The following TAS2R1 variants were observed in gnomAD, a reference collection of about 807,000 sequenced individuals.
TAS2R1 encodes the protein taste 2 receptor member 1, also known as taste receptor type 2 member 1.
For missense variants in TAS2R1, 370 were observed against 353.4 expected, an observed-to-expected ratio of 1.05 and a Z score of -0.38; for synonymous variants, 141 against 134.2, an observed-to-expected ratio of 1.05 and a Z score of -0.35.
At chr5:9,762,373 C>T in the TAS2R1 span, among the ~76,000 whole-genome samples, 11 of 152,214 alleles carry the variant, frequency 7.2e-5, no homozygotes, top group South Asian at 6.2e-4. Flanking sequence ...ACCCCAGTCT[C>T]GGATTATTAA....
the TAS2R1 span, among the ~76,000 whole-genome samples, chr5:9,736,228 T>C: frequency 6.6e-6 from 1 of 152,184 alleles, no homozygotes; most frequent in Non-Finnish European, 1.5e-5. Context: ...AAGTCAGAAT[T>C]TATTCTTGAG....
the TAS2R1 span, among the ~76,000 whole-genome samples, chr5:9,797,810 AT>A: frequency 1.3e-5 from 2 of 152,212 alleles, no homozygotes; most frequent in African/African-American, 2.4e-5. Context: ...ATAAAAAAAA[AT>A]CTACGTAGAT....
chr5:9,861,037 G>GATTTTTTTTTTTTTTTTTTTTTTTTT, the TAS2R1 span, among the ~76,000 whole-genome samples: 1 of 88,612 alleles, frequency 1.1e-5, no homozygotes, highest in African/African-American at 4.3e-5. Flanking sequence ...GGAAGATGAG[G>GATTTTTTTTTTTTTTTTTTTTTTTTT]TTTTTTTTTT....
the TAS2R1 span, among the ~76,000 whole-genome samples, chr5:9,868,387 C>A: frequency 6.6e-6 from 1 of 152,194 alleles, no homozygotes; most frequent in African/African-American, 2.4e-5. Flanking sequence ...AAATTCAACA[C>A]CACGTGGAAG....
At chr5:9,694,962 T>C (rs1225447491) in intron 1 of TAS2R1, among the ~76,000 whole-genome samples, 1 of 152,188 alleles carries the variant, frequency 6.6e-6, no homozygotes, top group Non-Finnish European at 1.5e-5. Flanking sequence ...AAACGATATG[T>C]AAAATCCTTT....
chr5:9,896,298 G>C, the TAS2R1 span, among the ~76,000 whole-genome samples: 1 of 152,146 alleles, frequency 6.6e-6, no homozygotes, highest in Non-Finnish European at 1.5e-5. Flanking sequence ...TGTCCATATG[G>C]GTAGCAGAAT....
chr5:9,801,728 A>G, the TAS2R1 span, among the ~76,000 whole-genome samples: 2 of 152,176 alleles, frequency 1.3e-5, no homozygotes, highest in Non-Finnish European at 2.9e-5. Flanking sequence ...TGCTGGCTGC[A>G]TCAGGAGGGG....
At chr5:9,684,615 C>G (rs992222110) in intron 1 of TAS2R1, among the ~76,000 whole-genome samples, 2 of 152,262 alleles carry the variant, frequency 1.3e-5, no homozygotes, top group Admixed American at 1.3e-4. Flanking sequence ...CTGCAAACTC[C>G]CGGGCTTAAG....
At chr5:9,633,294 T>TTATATATATATATATATA (rs200096603), upstream of TAS2R1, among the ~76,000 whole-genome samples, 30 of 67,796 alleles carry the variant, frequency 4.4e-4, no homozygotes, top group East Asian at 1.1e-3. Flanking sequence ...TGTGTGTATA[T>TTATATATATATATATATA]TATATATATA....
At chr5:9,640,510 A>AAAC (rs1554052286) in intron 2 of TAS2R1, among the ~76,000 whole-genome samples, 4 of 150,548 alleles carry the variant, frequency 2.7e-5, no homozygotes, top group Non-Finnish European at 4.4e-5. Flanking sequence ...AAAAAAAAAA[A>AAAC]AAAAAAAAAA....
chr5:9,837,557 G>A, the TAS2R1 span, among the ~76,000 whole-genome samples: 13 of 152,244 alleles, frequency 8.5e-5, no homozygotes, highest in African/African-American at 2.9e-4. Flanking sequence ...ATGGCCCCTC[G>A]CCCTGTTTCC....
intron 1 of TAS2R1, among the ~76,000 whole-genome samples, chr5:9,671,078 A>G (rs1370476623): frequency 6.6e-6 from 1 of 152,230 alleles, no homozygotes; most frequent in African/African-American, 2.4e-5. Context: ...AAGGCTTTTG[A>G]TAAAATTCAG....
At chr5:9,831,250 T>C in the TAS2R1 span, among the ~76,000 whole-genome samples, 1 of 152,136 alleles carries the variant, frequency 6.6e-6, no homozygotes, top group African/African-American at 2.4e-5. Context: ...TTTATTTCCA[T>C]TGACCCGGGA....
At chr5:9,660,355 C>T (rs1039143815) in intron 1 of TAS2R1, among the ~76,000 whole-genome samples, 10 of 150,472 alleles carry the variant, frequency 6.6e-5, no homozygotes, top group African/African-American at 9.8e-5. Flanking sequence ...GGATTACAGG[C>T]GTGAGCCACC....
At chr5:9,661,206 C>A (rs1270730129) in intron 1 of TAS2R1, among the ~76,000 whole-genome samples, 1 of 152,214 alleles carries the variant, frequency 6.6e-6, no homozygotes, top group Non-Finnish European at 1.5e-5. Flanking sequence ...ACCACTTTAA[C>A]AAATCCTGTT....
At chr5:9,711,752 T>G (rs2126533409) in intron 1 of TAS2R1, among the ~76,000 whole-genome samples, 1 of 152,230 alleles carries the variant, frequency 6.6e-6, no homozygotes, top group African/African-American at 2.4e-5. Flanking sequence ...AAACTCTACC[T>G]CCCAGGTTTT....
At chr5:9,663,107 C>G (rs73743133) in intron 1 of TAS2R1, among the ~76,000 whole-genome samples, 1 of 151,504 alleles carries the variant, frequency 6.6e-6, no homozygotes, top group Non-Finnish European at 1.5e-5. Context: ...CTATTCTATA[C>G]TATAAAGCAT....
the TAS2R1 span, among the ~76,000 whole-genome samples, chr5:9,759,893 T>G: frequency 6.6e-6 from 1 of 152,166 alleles, no homozygotes; most frequent in Admixed American, 6.5e-5. Flanking sequence ...AGAAGTGGTT[T>G]AGAGAAAACA....
chr5:9,788,652 G>A, the TAS2R1 span, among the ~76,000 whole-genome samples: 2 of 152,092 alleles, frequency 1.3e-5, no homozygotes, highest in East Asian at 3.8e-4. Context: ...ATATAATTAT[G>A]GGTCTATTTG....
Sources: gnomAD v4.1 joint callset for allele counts (sites outside exome capture counted in the v4.1 genomes callset) on GRCh38, gnomAD v4.1.1 for gene constraint, MANE v1.5 for transcripts, NCBI Gene and HGNC (gene_info 2026-07-23, HGNC 2026-07-21) for gene names.